Variants in KIAA1217 observed in about 807,000 individuals in gnomAD.
KIAA1217 encodes the protein sickle tail protein homolog.
Under a neutral mutation model 163.9 loss-of-function variants are expected in KIAA1217, and 88 were observed. That is an observed-to-expected ratio of 0.54 (90% CI 0.45 to 0.64). The LOEUF is 0.64. Among genes scored for constraint, KIAA1217 ranks in the 30% least tolerant of loss-of-function variants. KIAA1217 has a pLI of 0.00. For missense variants in KIAA1217, 2,372 were observed against 2,475.0 expected, an observed-to-expected ratio of 0.96 and a Z score of 0.88; for synonymous variants, 903 against 923.1, an observed-to-expected ratio of 0.98 and a Z score of 0.39.
intron 10 of KIAA1217, among the ~76,000 whole-genome samples, chr10:24,518,760 G>A (rs898255477): frequency 6.6e-6 from 1 of 152,196 alleles, no homozygotes; most frequent in Admixed American, 6.5e-5. Context: ...ATAGCTGTAG[G>A]AAGTTTCCCG....
rs540497704 is a variant in KIAA1217 at position 23,869,745 on chromosome 10, C to T, written c.-320-137480C>T. 1.1e-4 allele frequency among the ~76,000 whole-genome samples: 17 copies of T among 152,088 alleles called. No individual in the cohort carries two copies. In the East Asian group the frequency reaches 1.9e-3, roughly 17 times the overall value. On this transcript the variant is annotated intron_variant, in intron 1 of 18. Coordinates refer to the KIAA1217 transcript ENST00000376462. ...ACACTGGTAAGACAAGTACCACGGC[C>T]GCCAAGAATTCCACATGATTGATTT...
intron 1 of KIAA1217, among the ~76,000 whole-genome samples, chr10:23,879,227 T>G (rs114325824): frequency 0.016 from 2,468 of 151,970 alleles, 71 homozygotes; most frequent in African/African-American, 0.056. Context: ...ATCTCAGACT[T>G]TGGCATTTTT....
intron 2 of KIAA1217, among the ~76,000 whole-genome samples, chr10:24,177,798 A>T (rs1347516733): frequency 6.6e-6 from 1 of 152,130 alleles, no homozygotes; most frequent in South Asian, 2.1e-4. Context: ...GGACCATTAC[A>T]TCTCTCAGAA....
intron 1 of KIAA1217, among the ~76,000 whole-genome samples, chr10:23,885,337 T>A (rs570716171): frequency 6.6e-6 from 1 of 152,008 alleles, no homozygotes; most frequent in East Asian, 2.0e-4. Context: ...TTAAGTATAG[T>A]CCTCATGCTG....
In KIAA1217 at chr10:24,209,179, C is replaced by T. The variant is rs767447843; in HGVS notation, c.-15C>T. ...GTTTCCAGAGAGCGAGGAGCTTTTG[C>T]GGCAGGCAGAGACAATGGAAGAAAA... On this transcript the variant is annotated 5_prime_UTR_variant, in exon 1 of 21. Coordinates refer to ENST00000376454, the MANE Select transcript of KIAA1217 (RefSeq NM_019590.5). 31 of 1,612,436 alleles carry T rather than the reference C, an allele frequency of 1.9e-5. No homozygotes were observed. Among genetic ancestry groups the T allele is most frequent in the Non-Finnish European group, 2.5e-5 (30 of 1,179,018 alleles).
chr10:24,505,257 C>A (rs562740347), intron 9 of KIAA1217, among the ~76,000 whole-genome samples: 4 of 150,080 alleles, frequency 2.7e-5, no homozygotes, highest in African/African-American at 9.8e-5. Flanking sequence ...CTAGTATGTT[C>A]TCTGCTAGCT....
chr10:23,720,889 TCCC>T (rs1837844949), intron 1 of KIAA1217, among the ~76,000 whole-genome samples: 1 of 152,146 alleles, frequency 6.6e-6, no homozygotes, highest in African/African-American at 2.4e-5. Flanking sequence ...TGGCTCTTGT[TCCC>T]TAAGGGATGA....
At chr10:24,407,567 A>C (rs1437379958) in intron 3 of KIAA1217, among the ~76,000 whole-genome samples, 1 of 152,088 alleles carries the variant, frequency 6.6e-6, no homozygotes, top group East Asian at 1.9e-4. Context: ...CAGCCTCCTA[A>C]AATCTTAGAA....
At chr10:24,102,656 G>A (rs979068320) in intron 2 of KIAA1217, among the ~76,000 whole-genome samples, 1 of 152,218 alleles carries the variant, frequency 6.6e-6, no homozygotes, top group Non-Finnish European at 1.5e-5. Context: ...TAAAGCAACA[G>A]TAATCAAGAT....
chr10:24,448,250 G>GT (rs899976026), intron 5 of KIAA1217, among the ~76,000 whole-genome samples: 1 of 151,756 alleles, frequency 6.6e-6, no homozygotes, highest in African/African-American at 2.4e-5. Flanking sequence ...TTTGCGTGGG[G>GT]GGGGCTGGAG....
chr10:24,146,870 A>G (rs1203790123), intron 2 of KIAA1217, among the ~76,000 whole-genome samples: 1 of 152,198 alleles, frequency 6.6e-6, no homozygotes, highest in Admixed American at 6.5e-5. Flanking sequence ...AGAGAAAGTC[A>G]AAGAGAAAGT....
intron 2 of KIAA1217, among the ~76,000 whole-genome samples, chr10:24,276,582 C>A (rs1425471216): frequency 1.3e-5 from 2 of 150,870 alleles, no homozygotes; most frequent in Admixed American, 6.6e-5. Context: ...GTAGCTGGAA[C>A]TACTGGCACA....
In KIAA1217 at chr10:23,704,198, A is replaced by G. The variant is rs1464650640; in HGVS notation, c.-321+8964A>G. The stretch of plus-strand genomic sequence containing the variant: ...TATATATATATATATATATATATAT[A>G]TATATATATATATAGTGAGCTCAGT... On this transcript the variant is annotated intron_variant, in intron 1 of 18. Transcript: ENST00000376462. Among the ~76,000 whole-genome samples the G allele has an allele frequency of 1.8e-4, 23 of 127,016 alleles. 1 individual carries two copies. Among genetic ancestry groups the G allele is most frequent in the East Asian group, 1.3e-3 (6 of 4,540 alleles). 83.3% of individuals were successfully genotyped at this position (127,016 alleles called of 152,430 possible).
At chr10:24,402,680 G>T (rs1363041344) in intron 3 of KIAA1217, among the ~76,000 whole-genome samples, 2 of 152,166 alleles carry the variant, frequency 1.3e-5, no homozygotes, top group African/African-American at 2.4e-5. Context: ...ATAGGTCAAT[G>T]AAACAGAATA....
chr10:24,389,295 G>T (rs557798867), intron 3 of KIAA1217, among the ~76,000 whole-genome samples: 13 of 151,938 alleles, frequency 8.6e-5, no homozygotes, highest in Non-Finnish European at 1.8e-4. Context: ...GCAAACTATC[G>T]CAAGGACAGA....
chr10:24,244,946 T>C (rs6482375), intron 2 of KIAA1217, among the ~76,000 whole-genome samples: 151,371 of 152,216 alleles, frequency 0.99, 75,295 homozygotes, highest in Middle Eastern at 1. Context: ...GTCTTCAACT[T>C]CCTGGTTGTA....
intron 6 of KIAA1217, among the ~76,000 whole-genome samples, chr10:24,480,635 G>A (rs2064562684): frequency 6.6e-6 from 1 of 152,194 alleles, no homozygotes; most frequent in Non-Finnish European, 1.5e-5. Flanking sequence ...GATATACTAA[G>A]TGGCTGAGAG....
chr10:23,936,699 C>T (rs563029516), intron 1 of KIAA1217, among the ~76,000 whole-genome samples: 1 of 152,218 alleles, frequency 6.6e-6, no homozygotes, highest in African/African-American at 2.4e-5. Context: ...TCAGAGGCAG[C>T]GTGGTCCTGC....
chr10:23,854,501 G>A (rs960800038), intron 1 of KIAA1217, among the ~76,000 whole-genome samples: 2 of 152,166 alleles, frequency 1.3e-5, no homozygotes, highest in African/African-American at 4.8e-5. Flanking sequence ...TTGATGTGGG[G>A]TGGAGAGTTC....
Sources: allele counts gnomAD v4.1 joint callset (sites outside exome capture counted in the v4.1 genomes callset), GRCh38; gene constraint gnomAD v4.1.1; transcripts MANE v1.5; gene names NCBI Gene and HGNC (gene_info 2026-07-23, HGNC 2026-07-21).